EPB41L2: variants seen among roughly 807,000 people sequenced by gnomAD.
The protein encoded by EPB41L2 is band 4.1-like protein 2.
Under a neutral mutation model 113.0 loss-of-function variants are expected in EPB41L2, and 43 were observed. The observed-to-expected ratio is 0.38, with a 90% CI of 0.30 to 0.49. The LOEUF (loss-of-function observed/expected upper bound fraction) is 0.49, where lower values mean the gene tolerates loss of function less well. Among genes scored for constraint, EPB41L2 ranks in the 20% least tolerant of loss-of-function variants. EPB41L2 has a pLI of 0.95. For synonymous variants in EPB41L2, 442 were observed against 436.7 expected (o/e 1.01, Z -0.15); for missense variants, 1,147 against 1,223.4 (o/e 0.94, Z 0.93).
chr6:130,942,721 T>C (rs1156640707), intron 3 of EPB41L2, among the ~76,000 whole-genome samples: 1 of 152,222 alleles, frequency 6.6e-6, no homozygotes, highest in Non-Finnish European at 1.5e-5. Context: ...TCATCTACAT[T>C]AGGTATTTCT....
chr6:130,869,900 C>T lies in EPB41L2; in HGVS notation c.2270G>A (p.Arg757His), dbSNP rs766790733. ...GCCCTCGGTCACTCGGTGGTGGGGA[C>T]GGTACTCTCCCACGTCTTCCTCCTC... The part of the protein sequence containing the change: ...ESEEEDVGEY[R>H]PHHRVTEGTI... The change falls in exon 15 of 20, where the codon CGT (arginine) becomes CAT (histidine). Residue 757 changes from arginine (R) to histidine (H), a missense_variant. Arg to His is a conservative substitution (Grantham distance 29, BLOSUM62 0). Transcript: ENST00000337057. 2.2e-5 allele frequency: 36 copies of T among 1,612,304 alleles called. No individual in the cohort carries two copies. The highest frequency in any genetic ancestry group is 4.4e-5 in the South Asian group (4 of 91,038).
At chr6:130,953,523 G>A (rs1439878859) in intron 3 of EPB41L2, among the ~76,000 whole-genome samples, 2 of 152,050 alleles carry the variant, frequency 1.3e-5, no homozygotes, top group Non-Finnish European at 2.9e-5. Flanking sequence ...ATCATGGGGT[G>A]CGCAGATGGG....
intron 1 of EPB41L2, among the ~76,000 whole-genome samples, chr6:131,025,829 T>C (rs1790739023): frequency 6.6e-6 from 1 of 152,194 alleles, no homozygotes; most frequent in African/African-American, 2.4e-5. Flanking sequence ...CCTGATTTAC[T>C]TCCCTGCCAG....
chr6:131,004,688 T>C (rs1785069959), intron 1 of EPB41L2, among the ~76,000 whole-genome samples: 1 of 151,730 alleles, frequency 6.6e-6, no homozygotes, highest in African/African-American at 2.4e-5. Context: ...CACCCAGAAA[T>C]GAGGTGCCTG....
intron 4 of EPB41L2, among the ~76,000 whole-genome samples, chr6:130,909,301 G>A (rs528782949): frequency 1.7e-4 from 26 of 152,210 alleles, no homozygotes; most frequent in Non-Finnish European, 2.6e-4. Flanking sequence ...CATACCAAGC[G>A]AACACAATTA....
chr6:130,965,416 AAT>A (rs1488292738), intron 1 of EPB41L2, among the ~76,000 whole-genome samples: 1 of 151,094 alleles, frequency 6.6e-6, no homozygotes, highest in African/African-American at 2.4e-5. Flanking sequence ...TAACATACAA[AAT>A]AGTCATTACA....
intron 17 of EPB41L2, 48 bp from the exon 18 acceptor site, chr6:130,863,766 C>T (rs755989879): frequency 5.9e-6 from 8 of 1,361,754 alleles, no homozygotes; most frequent in East Asian, 2.3e-5. Flanking sequence ...CACTGAAGCA[C>T]GTTTACACAG....
chr6:130,946,490 C>T lies in EPB41L2; in HGVS notation c.705+8615G>A, dbSNP rs1360848533. On this transcript the variant is annotated intron_variant, in intron 3 of 19. Transcript: ENST00000337057. ...AAAAGAACACAAATTTCAAAGATGG[C>T]GATTTGTTTTTAAAAACAGTACTGT... 2.6e-5 allele frequency among the ~76,000 whole-genome samples: 4 copies of T among 151,950 alleles called. No individual in the cohort carries two copies. In the East Asian group the frequency reaches 7.7e-4, roughly 29 times the overall value.
chr6:130,940,594 T>C (rs1426996701), intron 3 of EPB41L2, among the ~76,000 whole-genome samples: 14 of 151,972 alleles, frequency 9.2e-5, no homozygotes, highest in Admixed American at 9.2e-4. Flanking sequence ...GCCTCCCAAG[T>C]AGCTGAGACT....
intron 18 of EPB41L2, among the ~76,000 whole-genome samples, chr6:130,861,234 G>A (rs571825700): frequency 7.2e-5 from 11 of 151,870 alleles, no homozygotes; most frequent in South Asian, 2.1e-4. Flanking sequence ...CACTACACCC[G>A]GCTAATTTTT....
At chr6:130,896,820 A>T (rs1476150002) in intron 8 of EPB41L2, among the ~76,000 whole-genome samples, 1 of 152,178 alleles carries the variant, frequency 6.6e-6, no homozygotes, top group Non-Finnish European at 1.5e-5. Flanking sequence ...TGCTCCATGG[A>T]GCAATGCATG....
At chr6:130,944,162 TACACACACATACACAC>T (rs1373594591) in intron 3 of EPB41L2, among the ~76,000 whole-genome samples, 8 of 132,998 alleles carry the variant, frequency 6.0e-5, no homozygotes, top group Admixed American at 3.0e-4. Flanking sequence ...TATACGTACA[TACACACACATACACAC>T]ACACACACAC....
intron 12 of EPB41L2, chr6:130,882,032 C>T (rs945518347): frequency 1.3e-5 from 2 of 152,100 alleles, no homozygotes; most frequent in Admixed American, 6.5e-5. Flanking sequence ...CTTGGGTTTC[C>T]AACAAGAGAA....
rs567643697 is a variant in EPB41L2 at position 130,937,153 on chromosome 6, C to T, written c.706-10444G>A. ...CTGACATGTCGTTATCACCCAAAGT[C>T]CACAGTTTATGTCAGGGTTCACTCT... is the stretch of plus-strand genomic sequence containing the variant. On this transcript the variant is annotated intron_variant, in intron 3 of 19. Transcript: ENST00000337057. 2.6e-5 allele frequency among the ~76,000 whole-genome samples: 4 copies of T among 152,286 alleles called. No individual in the cohort carries two copies. The East Asian group carries it at 5.8e-4, about 22-fold the overall frequency.
At chr6:131,012,216 A>G (rs1364925025) in intron 1 of EPB41L2, among the ~76,000 whole-genome samples, 1 of 150,524 alleles carries the variant, frequency 6.6e-6, no homozygotes, top group Non-Finnish European at 1.5e-5. Flanking sequence ...GGGCGGGGGG[A>G]GCTTCCCTAG....
intron 3 of EPB41L2, among the ~76,000 whole-genome samples, chr6:130,931,329 A>T (rs771395307): frequency 6.6e-6 from 1 of 152,206 alleles, no homozygotes; most frequent in Non-Finnish European, 1.5e-5. Flanking sequence ...TAATAAAGTC[A>T]TCAAGACAAG....
chr6:131,039,122 A>G (rs1284633335), intron 1 of EPB41L2, among the ~76,000 whole-genome samples: 1 of 152,224 alleles, frequency 6.6e-6, no homozygotes, highest in African/African-American at 2.4e-5. Context: ...TACCCAAACC[A>G]GAGGAAATAA....
intron 4 of EPB41L2, among the ~76,000 whole-genome samples, chr6:130,923,764 T>C (rs1803673565): frequency 6.6e-6 from 1 of 152,236 alleles, no homozygotes; most frequent in Admixed American, 6.5e-5. Context: ...TCCTCACCGT[T>C]TACGGTTAGA....
chr6:131,051,608 G>A (rs975747889), intron 1 of EPB41L2, among the ~76,000 whole-genome samples: 1 of 152,124 alleles, frequency 6.6e-6, no homozygotes, highest in Non-Finnish European at 1.5e-5. Context: ...TTACTGTTTT[G>A]GTGGGGGGCC....
Sources: gnomAD v4.1 joint callset for allele counts (sites outside exome capture counted in the v4.1 genomes callset) on GRCh38, gnomAD v4.1.1 for gene constraint, MANE v1.5 for transcripts, NCBI Gene and HGNC (gene_info 2026-07-23, HGNC 2026-07-21) for gene names.